Variants in QTMAN observed in about 807,000 individuals in gnomAD.
The protein encoded by QTMAN is tRNA-queuosine alpha-mannosyltransferase.
chr2:144,117,995 G>A, the QTMAN span, among the ~76,000 whole-genome samples: 4 of 151,922 alleles, frequency 2.6e-5, no homozygotes, highest in Non-Finnish European at 4.4e-5. Context: ...ACAGGTGCCC[G>A]CCACCACGCC....
the QTMAN span, among the ~76,000 whole-genome samples, chr2:143,974,372 C>T: frequency 6.6e-6 from 1 of 152,052 alleles, no homozygotes; most frequent in Admixed American, 6.6e-5. Context: ...TAAAGATGTG[C>T]ACAGAAATTC....
the QTMAN span, among the ~76,000 whole-genome samples, chr2:144,317,102 C>T: frequency 6.6e-6 from 1 of 152,100 alleles, no homozygotes; most frequent in Non-Finnish European, 1.5e-5. Flanking sequence ...CTTTTCAATC[C>T]AAAAATAGAG....
the QTMAN span, among the ~76,000 whole-genome samples, chr2:144,146,693 C>G: frequency 6.6e-6 from 1 of 151,814 alleles, no homozygotes; most frequent in African/African-American, 2.4e-5. Flanking sequence ...CTATTACATA[C>G]GGACACAAAA....
At chr2:144,044,558 C>G in the QTMAN span, among the ~76,000 whole-genome samples, 4 of 152,100 alleles carry the variant, frequency 2.6e-5, no homozygotes, top group African/African-American at 7.2e-5. Context: ...AAATAGCACA[C>G]AATTCATCAA....
At chr2:143,989,025 A>G in the QTMAN span, among the ~76,000 whole-genome samples, 2 of 152,168 alleles carry the variant, frequency 1.3e-5, no homozygotes, top group Non-Finnish European at 2.9e-5. Flanking sequence ...TGCTTTTGCT[A>G]TAATTTAACT....
At chr2:144,197,295 T>TTGTG in the QTMAN span, among the ~76,000 whole-genome samples, 543 of 148,092 alleles carry the variant, frequency 3.7e-3, 4 homozygotes, top group African/African-American at 0.012. Flanking sequence ...GACTGTATAT[T>TTGTG]TGTGTGTGTG....
At chr2:144,088,874 G>A in the QTMAN span, among the ~76,000 whole-genome samples, 1 of 152,006 alleles carries the variant, frequency 6.6e-6, no homozygotes, top group Non-Finnish European at 1.5e-5. Flanking sequence ...AATATTAGGA[G>A]TAAGCCTAGG....
At chr2:144,327,248 C>CCCACA in the QTMAN span, among the ~76,000 whole-genome samples, 3 of 152,134 alleles carry the variant, frequency 2.0e-5, no homozygotes, top group East Asian at 5.8e-4. Flanking sequence ...CATACCCCAC[C>CCCACA]CCACACGTCT....
chr2:143,997,508 G>A, the QTMAN span, among the ~76,000 whole-genome samples: 1 of 151,966 alleles, frequency 6.6e-6, no homozygotes, highest in African/African-American at 2.4e-5. Flanking sequence ...CTTATACTCC[G>A]CTCCTTAGGT....
At chr2:144,032,918 G>GA in the QTMAN span, among the ~76,000 whole-genome samples, 1 of 151,654 alleles carries the variant, frequency 6.6e-6, no homozygotes, top group African/African-American at 2.4e-5. Context: ...ACTCAAGGGG[G>GA]AAAAAAATAG....
At chr2:144,318,133 A>C in the QTMAN span, among the ~76,000 whole-genome samples, 1 of 151,704 alleles carries the variant, frequency 6.6e-6, no homozygotes, top group Admixed American at 6.6e-5. Flanking sequence ...AAAACCACGT[A>C]TTTCTTATTA....
At chr2:144,197,223 A>T in the QTMAN span, among the ~76,000 whole-genome samples, 1 of 152,104 alleles carries the variant, frequency 6.6e-6, no homozygotes, top group South Asian at 2.1e-4. Flanking sequence ...AGGCAATTAT[A>T]ATCTTATGGG....
At chr2:144,135,891 ATGT>A in the QTMAN span, among the ~76,000 whole-genome samples, 1 of 152,220 alleles carries the variant, frequency 6.6e-6, no homozygotes, top group Admixed American at 6.6e-5. Context: ...TCAACAAGAA[ATGT>A]CTTTCAGAGT....
At chr2:143,945,354 C>T in the QTMAN span, 2 of 152,208 alleles carry the variant, frequency 1.3e-5, no homozygotes, top group African/African-American at 4.8e-5. Flanking sequence ...AGTCTAGAAG[C>T]CAGTGCTGTG....
the QTMAN span, among the ~76,000 whole-genome samples, chr2:144,255,536 G>A: frequency 6.6e-6 from 1 of 152,130 alleles, no homozygotes; most frequent in African/African-American, 2.4e-5. Flanking sequence ...TTTCTTCATA[G>A]CAGCATGAGA....
the QTMAN span, chr2:144,237,445 T>TTACG: frequency 9.9e-5 from 15 of 152,098 alleles, no homozygotes; most frequent in Admixed American, 4.6e-4. Flanking sequence ...AATGATAATG[T>TTACG]TACGATACAA....
At chr2:143,962,869 A>C in the QTMAN span, among the ~76,000 whole-genome samples, 1 of 152,182 alleles carries the variant, frequency 6.6e-6, no homozygotes, top group Non-Finnish European at 1.5e-5. Flanking sequence ...TTCAGGAAAA[A>C]TAATGTGCAT....
chr2:144,111,778 T>A, the QTMAN span, among the ~76,000 whole-genome samples: 7 of 152,322 alleles, frequency 4.6e-5, no homozygotes, highest in African/African-American at 1.7e-4. Flanking sequence ...TGCTATATAA[T>A]ACTGGACAGA....
the QTMAN span, among the ~76,000 whole-genome samples, chr2:144,146,095 G>A: frequency 2.0e-5 from 3 of 149,284 alleles, no homozygotes; most frequent in Admixed American, 6.8e-5. Flanking sequence ...GACTGACTGC[G>A]GAATACTTTG....
Sources: allele counts gnomAD v4.1 joint callset (sites outside exome capture counted in the v4.1 genomes callset), GRCh38; gene constraint gnomAD v4.1.1; transcripts MANE v1.5; gene names NCBI Gene and HGNC (gene_info 2026-07-23, HGNC 2026-07-21).